CTNNA2: variants seen among roughly 807,000 people sequenced by gnomAD.
CTNNA2 encodes catenin alpha 2.
CTNNA2 carries 42 observed loss-of-function variants against 101.0 expected under a neutral mutation model. That is an observed-to-expected ratio of 0.42 (90% CI 0.32 to 0.54). The LOEUF (loss-of-function observed/expected upper bound fraction) is 0.54, where lower values mean the gene tolerates loss of function less well. Among genes scored for constraint, CTNNA2 ranks in the 20% least tolerant of loss-of-function variants. The pLI is 0.14. For missense variants in CTNNA2, 871 were observed against 1,223.1 expected (o/e 0.71, Z 4.29); for synonymous variants, 450 against 456.4 (o/e 0.99, Z 0.18).
chr2:80,483,813 A>G (rs1479553943), intron 9 of CTNNA2, among the ~76,000 whole-genome samples: 1 of 152,132 alleles, frequency 6.6e-6, no homozygotes, highest in East Asian at 1.9e-4. Context: ...CTGAAAAAGT[A>G]CTCTGTGCTG....
At chr2:79,620,040 C>T (rs562052836) in intron 1 of CTNNA2, among the ~76,000 whole-genome samples, 38 of 152,170 alleles carry the variant, frequency 2.5e-4, no homozygotes, top group South Asian at 2.1e-3. Flanking sequence ...AAAATGAGTG[C>T]GATAGATTCT....
intron 7 of CTNNA2, among the ~76,000 whole-genome samples, chr2:80,209,402 G>A (rs1402649690): frequency 6.6e-6 from 1 of 151,850 alleles, no homozygotes; most frequent in Non-Finnish European, 1.5e-5. Flanking sequence ...TGTTGGCCAG[G>A]CTGGTCTTGA....
intron 1 of CTNNA2, among the ~76,000 whole-genome samples, chr2:79,545,813 T>C (rs1445728806): frequency 6.6e-6 from 1 of 152,174 alleles, no homozygotes; most frequent in Non-Finnish European, 1.5e-5. Context: ...TCAAACAAGC[T>C]TAAATTAGAT....
intron 7 of CTNNA2, among the ~76,000 whole-genome samples, chr2:79,960,355 A>G (rs1335839676): frequency 6.6e-6 from 1 of 152,222 alleles, no homozygotes; most frequent in Non-Finnish European, 1.5e-5. Context: ...AAGGAAACAC[A>G]ATATTGTTTA....
rs974421041 is a variant in CTNNA2 at position 79,834,786 on chromosome 2, A to G, written c.299-23227A>G. On this transcript the variant is annotated intron_variant, in intron 3 of 18. Coordinates refer to ENST00000402739, the MANE Select transcript of CTNNA2 (RefSeq NM_001282597.3). ...TTAAGAAATTTTTTTCTAACCCAAT[A>G]TCATAAATATATCTCTAAATATTTT... is the stretch of plus-strand genomic sequence containing the variant. 5.3e-5 allele frequency among the ~76,000 whole-genome samples: 8 copies of G among 152,120 alleles called. No homozygotes were observed. The East Asian group carries it at 1.5e-3, about 29-fold the overall frequency.
chr2:80,228,373 C>T (rs1256484022), intron 7 of CTNNA2, among the ~76,000 whole-genome samples: 2 of 152,090 alleles, frequency 1.3e-5, no homozygotes, highest in Non-Finnish European at 2.9e-5. Flanking sequence ...AACAAGCTCC[C>T]TCAGGCCTCT....
intron 3 of CTNNA2, among the ~76,000 whole-genome samples, chr2:79,754,831 T>G (rs1295697401): frequency 6.6e-6 from 1 of 152,008 alleles, no homozygotes; most frequent in Non-Finnish European, 1.5e-5. Flanking sequence ...AAGATTTCAC[T>G]CCTGTATGGG....
intron 3 of CTNNA2, among the ~76,000 whole-genome samples, chr2:79,370,657 A>C (rs1013019199): frequency 2.0e-5 from 3 of 151,934 alleles, no homozygotes; most frequent in East Asian, 1.9e-4. Context: ...CATAGAACCC[A>C]CTGAGAATAT....
At chr2:79,367,395 A>G (rs893439407) in intron 3 of CTNNA2, among the ~76,000 whole-genome samples, 1 of 152,220 alleles carries the variant, frequency 6.6e-6, no homozygotes, top group African/African-American at 2.4e-5. Context: ...ATAAGGGGAA[A>G]GCATCTCTGG....
At chr2:79,854,051 T>C (rs1420961044) in intron 3 of CTNNA2, among the ~76,000 whole-genome samples, 1 of 152,228 alleles carries the variant, frequency 6.6e-6, no homozygotes, top group Non-Finnish European at 1.5e-5. Context: ...TGATGCACAA[T>C]TATGTATTCA....
At chr2:79,710,090 GT>G (rs796915082) in intron 2 of CTNNA2, among the ~76,000 whole-genome samples, 24 of 152,136 alleles carry the variant, frequency 1.6e-4, no homozygotes, top group African/African-American at 5.3e-4. Context: ...CCGAAATGAT[GT>G]TTTCTGAATC....
chr2:79,455,059 G>T (rs751658552), intron 4 of CTNNA2, among the ~76,000 whole-genome samples: 16 of 152,100 alleles, frequency 1.1e-4, no homozygotes, highest in Non-Finnish European at 1.8e-4. Flanking sequence ...TAGAAAAGTC[G>T]ATTTGAAAGC....
chr2:80,648,111 CTCATAAAATTGGGCACAG>C lies in CTNNA2; in HGVS notation c.*240_*257del. 2 of 329,448 alleles carry C rather than the reference CTCATAAAATTGGGCACAG, an allele frequency of 6.1e-6. No individual in the cohort carries two copies. Among genetic ancestry groups the C allele is most frequent in the Non-Finnish European group, 1.1e-5 (2 of 180,996 alleles). The allele number at this position is 329,448 out of a possible 1,614,324, so 20.4% of individuals were successfully genotyped here. On this transcript the variant is annotated 3_prime_UTR_variant, in exon 19 of 19. Coordinates refer to ENST00000402739, the MANE Select transcript of CTNNA2 (RefSeq NM_001282597.3). ...GCACAGAGCTGTCCTTTGCAACATT[CTCATAAAATTGGGCACAG>C]AGTTCGCATTGGCGCAATATTTATG...
chr2:79,759,542 C>T (rs867531702), intron 3 of CTNNA2, among the ~76,000 whole-genome samples: 1 of 139,460 alleles, frequency 7.2e-6, no homozygotes, highest in South Asian at 2.6e-4. Flanking sequence ...ATGTTTCTTT[C>T]CCTAAATCTT....
intron 6 of CTNNA2, among the ~76,000 whole-genome samples, chr2:79,895,838 T>A (rs1684676973): frequency 6.6e-6 from 1 of 152,166 alleles, no homozygotes; most frequent in Non-Finnish European, 1.5e-5. Flanking sequence ...ATTAGCTTTA[T>A]AAGCTTAAGA....
intron 3 of CTNNA2, among the ~76,000 whole-genome samples, chr2:79,834,970 T>C (rs1276768549): frequency 6.6e-6 from 1 of 152,150 alleles, no homozygotes; most frequent in Non-Finnish European, 1.5e-5. Flanking sequence ...TATGTCACAT[T>C]TGCATATATG....
At chr2:80,312,876 CA>C (rs777448937) in intron 7 of CTNNA2, among the ~76,000 whole-genome samples, 2 of 152,092 alleles carry the variant, frequency 1.3e-5, no homozygotes, top group Admixed American at 6.6e-5. Context: ...TGTGAGAGAC[CA>C]GATATAGAGA....
At position 80,215,563 on chromosome 2, in the gene CTNNA2, G is replaced by T. The variant is rs1708211246; in HGVS notation, c.1057-177648G>T. On this transcript the variant is annotated intron_variant, in intron 7 of 18. Coordinates refer to ENST00000402739, the MANE Select transcript of CTNNA2 (RefSeq NM_001282597.3). ...GTTTGCCTGGGTAACACCAGCTGAG[G>T]CTGCAGAACAGCAAATATTGCAGAA... is the stretch of plus-strand genomic sequence containing the variant. 2.6e-5 allele frequency among the ~76,000 whole-genome samples: 4 copies of T among 152,174 alleles called. No individual in the cohort carries two copies. The South Asian group carries it at 8.3e-4, about 32-fold the overall frequency.
intron 7 of CTNNA2, among the ~76,000 whole-genome samples, chr2:80,095,663 T>G (rs865861887): frequency 4.2e-4 from 64 of 152,362 alleles, no homozygotes; most frequent in African/African-American, 1.4e-3. Flanking sequence ...AGCTATTAAT[T>G]GTTGCTTCAA....
Sources: gnomAD v4.1 joint callset for allele counts (sites outside exome capture counted in the v4.1 genomes callset) on GRCh38, gnomAD v4.1.1 for gene constraint, MANE v1.5 for transcripts, NCBI Gene and HGNC (gene_info 2026-07-23, HGNC 2026-07-21) for gene names.